The following TBL1XR1 variants were observed in gnomAD, a reference collection of about 807,000 sequenced individuals.
TBL1XR1 encodes the protein TBL1X/Y related 1.
TBL1XR1 carries 5 observed loss-of-function variants against 66.9 expected under a neutral mutation model. The observed-to-expected ratio is 0.07, with a 90% CI of 0.04 to 0.16. The LOEUF (loss-of-function observed/expected upper bound fraction) is 0.16. TBL1XR1 is among the 10% of genes least tolerant of loss of function. The pLI is 1.00. For synonymous variants in TBL1XR1, 210 were observed against 206.0 expected (o/e 1.02, Z -0.17); for missense variants, 238 against 623.2 (o/e 0.38, Z 6.58).
At chr3:177,146,566 G>C (rs113375877) in intron 1 of TBL1XR1, among the ~76,000 whole-genome samples, 9,893 of 102,868 alleles carry the variant, frequency 0.096, 574 homozygotes, top group Non-Finnish European at 0.14. Context: ...CTCCAGCCTG[G>C]GCAGCTGAGC....
chr3:177,180,243 A>AG (rs1734650106), intron 1 of TBL1XR1, among the ~76,000 whole-genome samples: 1 of 150,660 alleles, frequency 6.6e-6, no homozygotes, highest in Non-Finnish European at 1.5e-5. Flanking sequence ...CTCAAAAAAA[A>AG]AAAAAAAAAA....
At chr3:177,097,935 G>A (rs934137129) in intron 2 of TBL1XR1, among the ~76,000 whole-genome samples, 2 of 152,154 alleles carry the variant, frequency 1.3e-5, no homozygotes, top group African/African-American at 4.8e-5. Flanking sequence ...AGCTGGATGC[G>A]GTGGCTCACA....
chr3:177,049,924 C>G, intron 7 of TBL1XR1, 73 bp downstream of exon 7: 2 of 1,527,228 alleles, frequency 1.3e-6, no homozygotes, highest in South Asian at 1.2e-5. Context: ...TAGACAAACC[C>G]TGCCGTGAGT....
intron 1 of TBL1XR1, among the ~76,000 whole-genome samples, chr3:177,182,417 C>T (rs1734936400): frequency 6.6e-6 from 1 of 152,102 alleles, no homozygotes. Flanking sequence ...AGCAGGAACA[C>T]AGTAAGTTCT....
rs1173000337 is a variant in TBL1XR1, at chr3:177,050,083, A to G, written c.616T>C (p.Ser206Pro). Reference sequence around the variant, plus strand: ...CAATGTCTAAGTACTAACTGTGTAGAGCCACTGGTGCTGTTCTCACTAAGA... The same window carrying G: ...CAATGTCTAAGTACTAACTGTGTAGGGCCACTGGTGCTGTTCTCACTAAGA... ...WNLSENSTSG[S>P]TQLVLRHCIR... The change falls in exon 7 of 16, where the codon TCT (serine) becomes CCT (proline). Residue 206 changes from serine to proline, a missense_variant. By Grantham distance (74) the Ser-to-Pro change is moderately conservative (BLOSUM62 -1). This residue lies in a region of TBL1XR1 where 26 missense variants were observed against 103.7 expected (regional missense o/e 0.25). Transcript: ENST00000457928. 6.2e-7 allele frequency: 1 copy of G among 1,613,766 alleles called. No individual in the cohort carries two copies. Among genetic ancestry groups the G allele is most frequent in the Admixed American group, 1.7e-5 (1 of 60,008 alleles).
rs1233690952 is a variant in TBL1XR1, at chr3:177,020,480, G to T, written c.*5018C>A. On this transcript the variant is annotated 3_prime_UTR_variant, in exon 16 of 16. Coordinates refer to ENST00000457928, the MANE Select transcript of TBL1XR1 (RefSeq NM_024665.7). ...TATGGGCTTAAAGTATATATCTTGG[G>T]AAACAATACGTTTATGAAAAACAGT... 6.6e-6 allele frequency: 1 copy of T among 152,042 alleles called. No homozygotes were observed. The highest frequency in any genetic ancestry group is 1.5e-5 in the Non-Finnish European group (1 of 68,000). 9.4% of individuals were successfully genotyped at this position (152,042 alleles called of 1,614,324 possible). A position where few individuals can be genotyped will look rare whatever the true frequency, so the allele number is the denominator to read the frequency against.
At chr3:177,162,768 A>C (rs1189938717) in intron 1 of TBL1XR1, among the ~76,000 whole-genome samples, 7 of 152,254 alleles carry the variant, frequency 4.6e-5, no homozygotes, top group Non-Finnish European at 1.0e-4. Flanking sequence ...AGTGCCCAAA[A>C]TAAAAGTCCG....
chr3:177,155,630 T>C (rs1289711900), intron 1 of TBL1XR1, among the ~76,000 whole-genome samples: 3 of 152,232 alleles, frequency 2.0e-5, no homozygotes, highest in Non-Finnish European at 4.4e-5. Flanking sequence ...ATAGTTTTTT[T>C]CTTTTTTCCA....
chr3:177,130,514 T>C (rs1243400666), intron 1 of TBL1XR1, among the ~76,000 whole-genome samples: 2 of 152,186 alleles, frequency 1.3e-5, no homozygotes, highest in Admixed American at 6.5e-5. Flanking sequence ...GACAGCATAT[T>C]ACGTACTTTT....
rs748384498 is a variant in TBL1XR1 at position 177,022,678 on chromosome 3, A to AG, written c.*2819dup. The AG allele has an allele frequency of 2.6e-5, 4 of 152,528 alleles. No homozygotes were observed. The highest frequency in any genetic ancestry group is 5.9e-5 in the Non-Finnish European group (4 of 67,962). The allele number at this position is 152,528 out of a possible 1,614,324, so 9.4% of individuals were successfully genotyped here. Reference sequence around the variant, plus strand: ...AATTGATCATCAGGAATAAGTTCTCAGAAAAACACAGGCGGAAAAATAAGC... The same window carrying AG: ...AATTGATCATCAGGAATAAGTTCTCAGGAAAAACACAGGCGGAAAAATAAGC... On this transcript the variant is annotated 3_prime_UTR_variant, in exon 16 of 16. Transcript: ENST00000457928.
rs55995541 is a variant in TBL1XR1 at position 177,054,073 on chromosome 3, T to C, written c.59-155A>G. Among the ~76,000 whole-genome samples, 7,641 of 124,776 alleles carry C rather than the reference T, an allele frequency of 0.061. 214 individuals are homozygous for C. Among genetic ancestry groups the C allele is most frequent in the South Asian group, 0.07 (257 of 3,666 alleles). 81.9% of individuals were successfully genotyped at this position (124,776 alleles called of 152,430 possible). On this transcript the variant is annotated intron_variant, in intron 3 of 15. Transcript: ENST00000457928. ...GTGTGTGTGTGTGTGTGTGTGTGTG[T>C]GCGCGCGCGTGTGTGTGCATGTAAA...
At chr3:177,074,654 C>T (rs1720460991) in intron 2 of TBL1XR1, among the ~76,000 whole-genome samples, 1 of 152,138 alleles carries the variant, frequency 6.6e-6, no homozygotes, top group Admixed American at 6.5e-5. Context: ...ACTTATATTC[C>T]AAGTTTTCTA....
intron 1 of TBL1XR1, among the ~76,000 whole-genome samples, chr3:177,139,228 T>C (rs937694228): frequency 7.2e-5 from 11 of 152,128 alleles, no homozygotes; most frequent in Admixed American, 2.0e-4. Context: ...TATTAAAAAT[T>C]AGTAAAGCAC....
intron 1 of TBL1XR1, among the ~76,000 whole-genome samples, chr3:177,188,464 T>C (rs1466857463): frequency 6.6e-6 from 1 of 152,032 alleles, no homozygotes; most frequent in Non-Finnish European, 1.5e-5. Flanking sequence ...GGAGAACTGC[T>C]TGAACCTGGG....
At chr3:177,061,175 T>C (rs1438663373) in intron 3 of TBL1XR1, among the ~76,000 whole-genome samples, 1 of 152,188 alleles carries the variant, frequency 6.6e-6, no homozygotes, top group East Asian at 1.9e-4. Context: ...AAAACAGAGA[T>C]GTCCATCAAA....
chr3:177,114,688 AAGTTTGGCC>A (rs1176984030), intron 1 of TBL1XR1, among the ~76,000 whole-genome samples: 3 of 152,058 alleles, frequency 2.0e-5, no homozygotes, highest in Admixed American at 2.0e-4. Context: ...AAAAAAAAAA[AAGTTTGGCC>A]AGATACGGTA....
intron 10 of TBL1XR1, among the ~76,000 whole-genome samples, chr3:177,039,094 C>T (rs1179700188): frequency 6.6e-6 from 1 of 152,100 alleles, no homozygotes; most frequent in African/African-American, 2.4e-5. Flanking sequence ...TATAATGATG[C>T]CATCTGGCTA....
chr3:177,064,005 A>G (rs1184679024), intron 3 of TBL1XR1, among the ~76,000 whole-genome samples: 1 of 152,226 alleles, frequency 6.6e-6, no homozygotes, highest in African/African-American at 2.4e-5. Flanking sequence ...ATGCCATACA[A>G]GAAGAATGAT....
chr3:177,126,522 G>T, intron 1 of TBL1XR1, among the ~76,000 whole-genome samples: 1 of 152,082 alleles, frequency 6.6e-6, no homozygotes, highest in Non-Finnish European at 1.5e-5. Context: ...TGCCTTTCAA[G>T]TCCTACATCC....
Sources: allele counts gnomAD v4.1 joint callset (sites outside exome capture counted in the v4.1 genomes callset), GRCh38; gene constraint gnomAD v4.1.1; regional missense constraint gnomAD v4.1.1; transcripts MANE v1.5; gene names NCBI Gene and HGNC (gene_info 2026-07-23, HGNC 2026-07-21).